SETD6: variants seen among roughly 807,000 people sequenced by gnomAD.
SETD6 encodes SET domain containing 6, protein lysine methyltransferase.
SETD6 carries 67 observed loss-of-function variants against 52.7 expected under a neutral mutation model. The ratio of observed to expected loss-of-function variants is 1.27; its 90% CI spans 1.04 to 1.56. SETD6 has a LOEUF of 1.56. Ranked by LOEUF, SETD6 falls within the 40% of genes most tolerant of loss-of-function variation. The probability of loss-of-function intolerance (pLI) is 0.00; values close to 1 mark genes in which losing one functional copy is unlikely to be tolerated. For synonymous variants in SETD6, 307 were observed against 250.2 expected, an observed-to-expected ratio of 1.23 and a Z score of -2.14; for missense variants, 712 against 607.5, an observed-to-expected ratio of 1.17 and a Z score of -1.81.
rs760643086 is a variant in SETD6 at position 58,520,765 on chromosome 16, C to CA, written c.*1743dup. Reference sequence around the variant, plus strand: ...CATCTTCTAAATTTTGGCCAAGAGTCAAAAAAATGCATTTAAACTTTGGAA... The same window carrying CA: ...CATCTTCTAAATTTTGGCCAAGAGTCAAAAAAAATGCATTTAAACTTTGGAA... On this transcript the variant is annotated 3_prime_UTR_variant, in exon 8 of 8. Transcript: ENST00000219315. 20 of 595,902 alleles carry CA rather than the reference C, an allele frequency of 3.4e-5. No homozygotes were observed. Among genetic ancestry groups the CA allele is most frequent in the East Asian group, 1.4e-4 (5 of 35,846 alleles). 36.9% of individuals were successfully genotyped at this position (595,902 alleles called of 1,614,324 possible).
chr16:58,521,252 T>C lies in SETD6; in HGVS notation c.*2223T>C, dbSNP rs2039357202. 6.2e-7 allele frequency: 1 copy of C among 1,613,966 alleles called. No individual in the cohort carries two copies. Among genetic ancestry groups the C allele is most frequent in the Non-Finnish European group, 8.5e-7 (1 of 1,180,000 alleles). On this transcript the variant is annotated 3_prime_UTR_variant, in exon 8 of 8. Coordinates refer to ENST00000219315, the MANE Select transcript of SETD6 (RefSeq NM_001160305.4). ...CTTAAACGCTGGGTTTTTAATCAGC[T>C]CAATGAAGGTAATAAGAAGACCCCA...
In SETD6 at chr16:58,516,471, C is replaced by T. The variant is rs1245094448; in HGVS notation, c.477-7C>T. The stretch of plus-strand genomic sequence containing the variant: ...TGAAGGGAACCTGGGTGTGGGTGTC[C>T]CTGCAGGCCAGAGGAGGAGCGCCGG... On this transcript the variant is annotated splice_polypyrimidine_tract_variant and splice_region_variant and intron_variant, in intron 3 of 7. Coordinates refer to ENST00000219315, the MANE Select transcript of SETD6 (RefSeq NM_001160305.4). 5 of 1,613,566 alleles carry T rather than the reference C, an allele frequency of 3.1e-6. No homozygotes were observed. The Admixed American group carries it at 6.7e-5, about 22-fold the overall frequency.
At chr16:58,517,468 C>T (rs557556772) in intron 5 of SETD6, 32 of 172,414 alleles carry the variant, frequency 1.9e-4, no homozygotes, top group African/African-American at 1.9e-4. Flanking sequence ...CTTTGATCTG[C>T]GAAAGTTCCA....
chr16:58,515,974 A>G lies in SETD6; in HGVS notation c.211A>G (p.Thr71Ala). ...TCAGGTGGCGGTCAGCCGGCAGGGC[A>G]CGGTGGCCGGCTACGGCATGGTGGC... Reference protein sequence around the residue: ...PAQVAVSRQGTVAGYGMVARE... With the variant: ...PAQVAVSRQGAVAGYGMVARE... The change falls in exon 2 of 8, where the codon ACG (threonine) becomes GCG (alanine). Residue 71 changes from threonine to alanine, a missense_variant. Coordinates refer to ENST00000219315, the MANE Select transcript of SETD6 (RefSeq NM_001160305.4). 6.5e-7 allele frequency: 1 copy of G among 1,536,052 alleles called. No individual in the cohort carries two copies. Among genetic ancestry groups the G allele is most frequent in the East Asian group, 2.6e-5 (1 of 39,016 alleles).
rs931638762 is a variant in SETD6, at chr16:58,519,633, T to TACTC, written c.*606_*609dup. The TACTC allele has an allele frequency of 4.9e-5, 7 of 142,502 alleles. No homozygotes were observed. The highest frequency in any genetic ancestry group is 1.5e-4 in the African/African-American group (6 of 39,806). The allele number at this position is 142,502 out of a possible 1,614,324, so 8.8% of individuals were successfully genotyped here. The stretch of plus-strand genomic sequence containing the variant: ...TGGGTTAAGTTTTTAAATACGTATC[T>TACTC]ACTCATTTTCTTTAAAAAAAAAAAA... On this transcript the variant is annotated 3_prime_UTR_variant, in exon 8 of 8. Coordinates refer to ENST00000219315, the MANE Select transcript of SETD6 (RefSeq NM_001160305.4).
rs37035 is a variant in SETD6 at position 58,519,260 on chromosome 16, A to C, written c.*231A>C. The C allele has an allele frequency of 0.62, 311,124 of 502,000 alleles. 100,366 individuals are homozygous for C. The highest frequency in any genetic ancestry group is 0.97 in the East Asian group (27,669 of 28,672). 31.1% of individuals were successfully genotyped at this position (502,000 alleles called of 1,614,324 possible). A position where few individuals can be genotyped will look rare whatever the true frequency, so the allele number is the denominator to read the frequency against. On this transcript the variant is annotated 3_prime_UTR_variant, in exon 8 of 8. Coordinates refer to ENST00000219315, the MANE Select transcript of SETD6 (RefSeq NM_001160305.4). Reference sequence around the variant, plus strand: ...AATTGTTACTTAAAGCATGTTACAGATGTTTTGTTCTCAGTTTTAACCAAA... The same window carrying C: ...AATTGTTACTTAAAGCATGTTACAGCTGTTTTGTTCTCAGTTTTAACCAAA...
chr16:58,517,394 T>G (rs2039204199), intron 5 of SETD6: 1 of 181,362 alleles, frequency 5.5e-6, no homozygotes, highest in Non-Finnish European at 1.2e-5. Context: ...GATGGCACAT[T>G]TATAGGATCA....
In SETD6 at chr16:58,515,896, G is replaced by A. The variant is rs1299579033; in HGVS notation, c.133G>A (p.Gly45Ser). 4 of 1,506,922 alleles carry A rather than the reference G, an allele frequency of 2.7e-6. No individual in the cohort carries two copies. Among genetic ancestry groups the A allele is most frequent in the East Asian group, 2.7e-5 (1 of 37,444 alleles). The allele number at this position is 1,506,922 out of a possible 1,614,324, so 93.3% of individuals were successfully genotyped here. A position where few individuals can be genotyped will look rare whatever the true frequency, so the allele number is the denominator to read the frequency against. ...ELSPKVSERA[G>S]GRRTRGGARA... ...GAGTCCCAAGGTGAGCGAGCGAGCC[G>A]GCGGGCGGAGGACCCGCGGCGGGGC... Residue 45 changes from glycine to serine, a missense_variant, in exon 2 of 8, where the codon GGC becomes AGC. Transcript: ENST00000219315.
Position 58,518,486 on chromosome 16 carries a change from CTT to C in SETD6, c.1061_1062del (p.Phe354CysfsTer10), listed in dbSNP as rs1742679151. On this transcript the variant is annotated frameshift_variant, in exon 7 of 8. Transcript: ENST00000219315. LOFTEE classifies it high-confidence loss of function. ...KLEMVGEEGA[F>X]VIGREEVLTE... Reference sequence around the variant, plus strand: ...TGGAGATGGTAGGGGAAGAGGGAGCCTTTGTGATAGGGAGGGAGGAGGTGCTG... The same window carrying C: ...TGGAGATGGTAGGGGAAGAGGGAGCCTGTGATAGGGAGGGAGGAGGTGCTG... 1.9e-6 allele frequency: 3 copies of C among 1,591,268 alleles called. No homozygotes were observed. The highest frequency in any genetic ancestry group is 1.7e-6 in the Non-Finnish European group (2 of 1,174,884).
intron 5 of SETD6, 27 bp downstream of exon 5, chr16:58,516,955 G>A: frequency 1.2e-6 from 2 of 1,614,050 alleles, no homozygotes; most frequent in Non-Finnish European, 1.7e-6. Flanking sequence ...TTGGTGCACT[G>A]ATTGAGCATG....
rs774682913 is a variant in SETD6, at chr16:58,520,956, G to A, written c.*1927G>A. 47 of 1,612,986 alleles carry A rather than the reference G, an allele frequency of 2.9e-5. No individual in the cohort carries two copies. The highest frequency in any genetic ancestry group is 6.7e-5 in the East Asian group (3 of 44,900). Reference sequence around the variant, plus strand: ...ACACGTACAACAGAGATGCAGTTTCGTCTAACTGGCACCTGTCCCTTCCAT... The same window carrying A: ...ACACGTACAACAGAGATGCAGTTTCATCTAACTGGCACCTGTCCCTTCCAT... On this transcript the variant is annotated 3_prime_UTR_variant, in exon 8 of 8. Transcript: ENST00000219315.
Position 58,515,809 on chromosome 16 carries a change from G to A in SETD6, c.46G>A (p.Gly16Ser). The A allele has an allele frequency of 6.6e-7, 1 of 1,524,486 alleles. No homozygotes were observed. The highest frequency in any genetic ancestry group is 1.2e-5 in the South Asian group (1 of 80,244). 94.4% of individuals were successfully genotyped at this position (1,524,486 alleles called of 1,614,324 possible). ...ATCTCAGGTGGCGGGGCCCGTGGAC[G>A]GCGGCGACCTGGATCCTGTGGCCTG... is the stretch of plus-strand genomic sequence containing the variant. ...KRPRVAGPVD[G>S]GDLDPVACFL... Residue 16 changes from glycine (G) to serine (S), a missense_variant, in exon 2 of 8, where the codon GGC becomes AGC. By Grantham distance (56) the Gly-to-Ser change is moderately conservative. Coordinates refer to ENST00000219315, the MANE Select transcript of SETD6 (RefSeq NM_001160305.4).
In SETD6 at chr16:58,516,292, C is replaced by T. The variant is rs200835277; in HGVS notation, c.425C>T (p.Pro142Leu). 6.2e-7 allele frequency: 1 copy of T among 1,605,092 alleles called. No homozygotes were observed. Among genetic ancestry groups the T allele is most frequent in the Admixed American group, 1.7e-5 (1 of 59,980 alleles). Residue 142 changes from proline (P) to leucine (L), a missense_variant, in exon 3 of 8, where the codon CCC becomes CTC. Physicochemically the swap from Pro to Leu is moderately conservative, Grantham distance 98. Coordinates refer to ENST00000219315, the MANE Select transcript of SETD6 (RefSeq NM_001160305.4). ...CAGGCCCCGGCCTCACGCTGGAGGCCCTACTTTGCGCTCTGGCCCGAGCTG... is the reference window on the plus strand; with the variant it reads ...CAGGCCCCGGCCTCACGCTGGAGGCTCTACTTTGCGCTCTGGCCCGAGCTG... The part of the protein sequence containing the change: ...ELQAPASRWR[P>L]YFALWPELGR...
rs1597374160 is a variant in SETD6 at position 58,515,868 on chromosome 16, G to A, written c.105G>A (p.Glu35=). Residue 35 remains glutamate (E), a synonymous_variant, in exon 2 of 8, where the codon GAG becomes GAA. Coordinates refer to ENST00000219315, the MANE Select transcript of SETD6 (RefSeq NM_001160305.4). ...FLSWCRRVGL[E]LSPKVSERAG... ...GCTGGTGCCGGCGGGTGGGGCTGGA[G>A]CTGAGTCCCAAGGTGAGCGAGCGAG... is the stretch of plus-strand genomic sequence containing the variant. 6 of 1,526,628 alleles carry A rather than the reference G, an allele frequency of 3.9e-6. No homozygotes were observed. The highest frequency in any genetic ancestry group is 5.2e-6 in the Non-Finnish European group (6 of 1,145,810). The allele number at this position is 1,526,628 out of a possible 1,614,324, so 94.6% of individuals were successfully genotyped here. A position where few individuals can be genotyped will look rare whatever the true frequency, so the allele number is the denominator to read the frequency against.
At chr16:58,518,284 G>A in intron 6 of SETD6, 53 bp downstream of exon 6, 1 of 1,608,554 alleles carries the variant, frequency 6.2e-7, no homozygotes, top group Non-Finnish European at 8.5e-7. Context: ...CTATACCCAT[G>A]CCTCAGGTTA....
chr16:58,517,241 G>C (rs763322562), intron 5 of SETD6: 11 of 389,238 alleles, frequency 2.8e-5, no homozygotes, highest in Non-Finnish European at 5.4e-5. Context: ...GTGTGGCTCT[G>C]TGGATAGCAG....
chr16:58,518,419 A>C lies in SETD6; in HGVS notation c.992A>C (p.Glu331Ala). ...AALQGTKTEA[E>A]RHLVYERWDF... ...TCTACAGGAACAAAAACTGAAGCTG[A>C]AAGGCACCTAGTGTACGAGCGCTGG... is the stretch of plus-strand genomic sequence containing the variant. The change falls in exon 7 of 8, where the codon GAA (glutamate) becomes GCA (alanine). Residue 331 changes from glutamate to alanine, a missense_variant. By Grantham distance (107) the Glu-to-Ala change is moderately radical (BLOSUM62 -1). Coordinates refer to ENST00000219315, the MANE Select transcript of SETD6 (RefSeq NM_001160305.4). 6.3e-7 allele frequency: 1 copy of C among 1,582,384 alleles called. No homozygotes were observed. Among genetic ancestry groups the C allele is most frequent in the East Asian group, 2.2e-5 (1 of 44,708 alleles).
chr16:58,518,977 T>A lies in SETD6; in HGVS notation c.1370T>A (p.Val457Asp). ...TGGAGGGAACAGCAAGCCTTACAGGTTCGCTATGGTCAGAAGATGATCTTA... is the reference window on the plus strand; with the variant it reads ...TGGAGGGAACAGCAAGCCTTACAGGATCGCTATGGTCAGAAGATGATCTTA... The part of the protein sequence containing the change: ...LSWREQQALQ[V>D]RYGQKMILHQ... Residue 457 changes from valine to aspartate, a missense_variant, in exon 8 of 8, where the codon GTT (valine) becomes GAT (aspartate). By Grantham distance (152) the Val-to-Asp change is radical. Coordinates refer to ENST00000219315, the MANE Select transcript of SETD6 (RefSeq NM_001160305.4). 6.2e-7 allele frequency: 1 copy of A among 1,614,140 alleles called. No homozygotes were observed. The highest frequency in any genetic ancestry group is 8.5e-7 in the Non-Finnish European group (1 of 1,180,010).
chr16:58,521,203 G>C lies in SETD6; in HGVS notation c.*2174G>C, dbSNP rs756597670. The C allele has an allele frequency of 6.2e-7, 1 of 1,613,874 alleles. No individual in the cohort carries two copies. On this transcript the variant is annotated 3_prime_UTR_variant, in exon 8 of 8. Transcript: ENST00000219315. ...CTCACTTTTCGATTTCTGGGGCACA[G>C]TGTACAAATTCATGGTTCCAGAACT... is the stretch of plus-strand genomic sequence containing the variant.
Sources: allele counts gnomAD v4.1 joint callset, GRCh38; gene constraint gnomAD v4.1.1; transcripts MANE v1.5; gene names NCBI Gene and HGNC (gene_info 2026-07-23, HGNC 2026-07-21).